Variants in STK32B observed in about 807,000 individuals in gnomAD.
The protein encoded by STK32B is serine/threonine-protein kinase 32B.
A neutral mutation model predicts 52.6 loss-of-function variants in STK32B; 43 were observed. The ratio of observed to expected loss-of-function variants is 0.82; its 90% confidence interval spans 0.64 to 1.05. STK32B has a LOEUF of 1.05. Ranked by LOEUF, STK32B falls within the 50% of genes least tolerant of loss-of-function variation. The probability of loss-of-function intolerance (pLI) is 0.00; values close to 1 mark genes in which losing one functional copy is unlikely to be tolerated. For missense variants in STK32B, 621 were observed against 534.6 expected, an observed-to-expected ratio of 1.16 and a Z score of -1.59; for synonymous variants, 238 against 204.3, an observed-to-expected ratio of 1.17 and a Z score of -1.41.
chr4:5,094,673 A>G (rs952065076), intron 1 of STK32B, among the ~76,000 whole-genome samples: 7 of 152,176 alleles, frequency 4.6e-5, no homozygotes, highest in Admixed American at 6.5e-5. Flanking sequence ...AATACAGTAT[A>G]CAATACTTAT....
At chr4:5,174,428 A>G (rs561490049) in intron 3 of STK32B, among the ~76,000 whole-genome samples, 1 of 152,148 alleles carries the variant, frequency 6.6e-6, no homozygotes, top group South Asian at 2.1e-4. Flanking sequence ...ATGTTTTTGC[A>G]GTGGCTGATA....
At chr4:5,078,843 G>A (rs1391420960) in intron 1 of STK32B, among the ~76,000 whole-genome samples, 2 of 152,174 alleles carry the variant, frequency 1.3e-5, no homozygotes, top group Non-Finnish European at 2.9e-5. Context: ...AGAAGGGGGG[G>A]CCAGCACAGG....
intron 2 of STK32B, among the ~76,000 whole-genome samples, chr4:5,156,079 A>G (rs543870079): frequency 3.3e-5 from 5 of 151,912 alleles, no homozygotes; most frequent in Non-Finnish European, 5.9e-5. Flanking sequence ...ATAGATACAC[A>G]TACATGTATA....
chr4:5,274,512 G>A (rs956490722), intron 3 of STK32B, among the ~76,000 whole-genome samples: 5 of 151,752 alleles, frequency 3.3e-5, no homozygotes, highest in East Asian at 3.9e-4. Context: ...CTTTAAACAC[G>A]GGGCTTGCAA....
intron 1 of STK32B, among the ~76,000 whole-genome samples, chr4:5,111,094 A>G (rs972626601): frequency 6.6e-6 from 1 of 152,198 alleles, no homozygotes; most frequent in Admixed American, 6.5e-5. Flanking sequence ...CATGGCTTTT[A>G]TTAAAAAGTC....
chr4:5,250,813 G>T (rs28803307), intron 3 of STK32B, among the ~76,000 whole-genome samples: 13,466 of 152,148 alleles, frequency 0.089, 906 homozygotes, highest in African/African-American at 0.19. Context: ...ATTTAGTGAT[G>T]AGTGATGTTG....
intron 3 of STK32B, among the ~76,000 whole-genome samples, chr4:5,170,082 A>G (rs976470791): frequency 5.9e-5 from 9 of 152,216 alleles, no homozygotes; most frequent in Non-Finnish European, 1.3e-4. Context: ...ACAATAAGCC[A>G]TCTAATCGAA....
intron 4 of STK32B, among the ~76,000 whole-genome samples, chr4:5,345,622 G>A (rs925456262): frequency 5.3e-5 from 8 of 152,322 alleles, no homozygotes; most frequent in African/African-American, 1.9e-4. Flanking sequence ...CCATTTTACA[G>A]GTGAGACCAC....
chr4:5,032,034 C>G, the STK32B span, among the ~76,000 whole-genome samples: 1 of 152,156 alleles, frequency 6.6e-6, no homozygotes, highest in Non-Finnish European at 1.5e-5. Context: ...ACCAAGCAGA[C>G]TTTTTAAAAC....
At chr4:5,158,006 T>A (rs1055992312) in intron 2 of STK32B, among the ~76,000 whole-genome samples, 2 of 152,200 alleles carry the variant, frequency 1.3e-5, no homozygotes, top group Non-Finnish European at 2.9e-5. Context: ...TAGGTTGTGT[T>A]TGGCTTGAGG....
chr4:5,159,467 C>T (rs1467585004), intron 2 of STK32B, among the ~76,000 whole-genome samples: 1 of 141,448 alleles, frequency 7.1e-6, no homozygotes, highest in Non-Finnish European at 1.5e-5. Flanking sequence ...TATATATACA[C>T]ACACACATAT....
At chr4:5,264,610 C>T (rs950440716) in intron 3 of STK32B, among the ~76,000 whole-genome samples, 7 of 150,894 alleles carry the variant, frequency 4.6e-5, no homozygotes, top group Non-Finnish European at 8.8e-5. Flanking sequence ...CACAATGAAA[C>T]CCTGTCTCTA....
intron 3 of STK32B, among the ~76,000 whole-genome samples, chr4:5,184,534 A>G (rs901516010): frequency 2.0e-5 from 3 of 152,006 alleles, no homozygotes; most frequent in Admixed American, 6.6e-5. Flanking sequence ...CCAAAAATAC[A>G]AAAGTTAGCT....
At chr4:5,049,346 G>T (rs868227057), upstream of STK32B, among the ~76,000 whole-genome samples, 1 of 152,176 alleles carries the variant, frequency 6.6e-6, no homozygotes, top group African/African-American at 2.4e-5. Flanking sequence ...ACAGGTGGGT[G>T]ACATTTCTGT....
chr4:5,029,992 ACT>A, the STK32B span, among the ~76,000 whole-genome samples: 186 of 152,026 alleles, frequency 1.2e-3, no homozygotes, highest in Non-Finnish European at 2.4e-3. Context: ...TTTGCTCAGC[ACT>A]CTCTTTTCTG....
At chr4:5,150,334 A>C (rs984838658) in intron 2 of STK32B, among the ~76,000 whole-genome samples, 1 of 152,136 alleles carries the variant, frequency 6.6e-6, no homozygotes, top group African/African-American at 2.4e-5. Flanking sequence ...GCTAATTACA[A>C]CATCTGGGTC....
At chr4:5,023,999 C>G in the STK32B span, among the ~76,000 whole-genome samples, 1 of 152,134 alleles carries the variant, frequency 6.6e-6, no homozygotes, top group African/African-American at 2.4e-5. Context: ...ACACCAAAGT[C>G]TGGGTTTTCT....
chr4:5,122,558 CACTCACTCACTT>C (rs1715116650), intron 1 of STK32B, among the ~76,000 whole-genome samples: 1 of 151,910 alleles, frequency 6.6e-6, no homozygotes, highest in South Asian at 2.1e-4. Context: ...CTCACTCATT[CACTCACTCACTT>C]GCTCATTCAC....
At chr4:5,401,982 C>G (rs796153057) in intron 5 of STK32B, among the ~76,000 whole-genome samples, 1 of 152,214 alleles carries the variant, frequency 6.6e-6, no homozygotes. Context: ...GGCTGTCAGC[C>G]GATCCCCTCT....
Sources: allele counts gnomAD v4.1 joint callset (sites outside exome capture counted in the v4.1 genomes callset), GRCh38; gene constraint gnomAD v4.1.1; transcripts MANE v1.5; gene names NCBI Gene and HGNC (gene_info 2026-07-23, HGNC 2026-07-21).